The following LRRC23 variants were observed in gnomAD, a reference collection of about 807,000 sequenced individuals.
The protein encoded by LRRC23 is leucine rich repeat containing 23.
LRRC23 carries 28 observed loss-of-function variants against 37.7 expected under a neutral mutation model. The observed-to-expected ratio is 0.74, with a 90% confidence interval of 0.55 to 1.02. LRRC23 has a LOEUF of 1.02. LRRC23 is among the 50% of genes least tolerant of loss of function. LRRC23 has a pLI of 0.00. For synonymous variants in LRRC23, 161 were observed against 165.4 expected (o/e 0.97, Z 0.20); for missense variants, 377 against 413.2 (o/e 0.91, Z 0.76).
At chr12:6,906,323 T>A in intron 3 of LRRC23, 86 bp from the exon 4 acceptor site, 1 of 1,304,012 alleles carries the variant, frequency 7.7e-7, no homozygotes, top group South Asian at 1.3e-5. Flanking sequence ...GCCATCTCCA[T>A]ATTGCCTTCT....
Position 6,910,315 on chromosome 12 carries a change from G to T in LRRC23, c.758+289G>T, listed in dbSNP as rs1217811084. On this transcript the variant is annotated intron_variant, in intron 6 of 7. Coordinates refer to ENST00000443597, the MANE Select transcript of LRRC23 (RefSeq NM_001135217.2). Reference sequence around the variant, plus strand: ...AAAGCAATCAGAGGCTGGGCATGGTGGTTCATGCCTGTACTCCCAGCACTT... The same window carrying T: ...AAAGCAATCAGAGGCTGGGCATGGTTGTTCATGCCTGTACTCCCAGCACTT... Among the ~76,000 whole-genome samples, 3 of 152,126 alleles carry T rather than the reference G, an allele frequency of 2.0e-5. No individual in the cohort carries two copies. In the East Asian group the frequency reaches 5.8e-4, roughly 29 times the overall value.
At chr12:6,913,343 T>C (rs1481225324) in intron 7 of LRRC23, 1 of 315,988 alleles carries the variant, frequency 3.2e-6, no homozygotes, top group Admixed American at 4.6e-5. Context: ...TGTGGGTGCA[T>C]GGTAGGGGCT....
In LRRC23 at chr12:6,914,209, C is replaced by A; in HGVS notation, c.*343C>A. ...AAGGCGGCTGGGGTGTTCGGATTTC[C>A]AATAAAGAAACAGAGTGATGCTCCT... is the stretch of plus-strand genomic sequence containing the variant. On this transcript the variant is annotated 3_prime_UTR_variant, in exon 8 of 8. Transcript: ENST00000443597. The surrounding 1 kb of genome is among the most constrained non-coding windows in gnomAD (Gnocchi z 7.1). The A allele has an allele frequency of 1.4e-6, 1 of 711,630 alleles. No individual in the cohort carries two copies. The highest frequency in any genetic ancestry group is 2.2e-6 in the Non-Finnish European group (1 of 451,818). 44.1% of individuals were successfully genotyped at this position (711,630 alleles called of 1,614,324 possible).
At chr12:6,908,406 G>A (rs1406532146) in intron 5 of LRRC23, among the ~76,000 whole-genome samples, 2 of 151,898 alleles carry the variant, frequency 1.3e-5, no homozygotes, top group Non-Finnish European at 1.5e-5. Context: ...AAACCAGCCT[G>A]GCCAACATGG....
At chr12:6,909,850 T>C (rs903791636) in intron 5 of LRRC23, 40 bp from the exon 6 acceptor site, 39 of 1,580,748 alleles carry the variant, frequency 2.5e-5, no homozygotes, top group Non-Finnish European at 3.1e-5. Context: ...TCCCTATCCC[T>C]GCTCCCTCTC....
At chr12:6,909,100 ATAATATATAATTACATATAATAT>A in intron 5 of LRRC23, among the ~76,000 whole-genome samples, 3 of 41,118 alleles carry the variant, frequency 7.3e-5, no homozygotes, top group Non-Finnish European at 1.0e-4. Flanking sequence ...TATATTATAT[ATAATATATAATTACATATAATAT>A]ATAATATATA....
At chr12:6,907,221 C>T (rs868979398) in intron 4 of LRRC23, 94 bp from the exon 5 acceptor site, 37 of 1,468,822 alleles carry the variant, frequency 2.5e-5, no homozygotes, top group East Asian at 2.5e-4. Context: ...CCCTGCTTTG[C>T]GAATGGTAGG....
In LRRC23 at chr12:6,906,496, A is replaced by G. The variant is rs771684335; in HGVS notation, c.324A>G (p.Pro108=). 15 of 1,613,976 alleles carry G rather than the reference A, an allele frequency of 9.3e-6. No individual in the cohort carries two copies. Among genetic ancestry groups the G allele is most frequent in the Middle Eastern group, 1.6e-4 (1 of 6,084 alleles). Residue 108 remains proline, a synonymous_variant, in exon 4 of 8, where the codon CCA becomes CCG. Transcript: ENST00000443597. ...ISENHLTDLS[P]LNYLTHLLWL... ...AGAACCACCTGACAGACCTGTCTCC[A>G]CTCAACTACCTCACCCACCTGCTCT...
At position 6,905,608 on chromosome 12, in the gene LRRC23, T is replaced by A. The variant is rs1426088552; in HGVS notation, c.-26T>A. On this transcript the variant is annotated 5_prime_UTR_variant, in exon 2 of 8. Coordinates refer to ENST00000443597, the MANE Select transcript of LRRC23 (RefSeq NM_001135217.2). ...AGGAGGAGGACTGAGCTTATCTGAC[T>A]CCAGAGCTTTCAGGAGGGAAGAAAG... 6.2e-7 allele frequency: 1 copy of A among 1,613,040 alleles called. No homozygotes were observed. The highest frequency in any genetic ancestry group is 8.5e-7 in the Non-Finnish European group (1 of 1,179,496).
At chr12:6,911,451 G>A (rs920518708) in intron 6 of LRRC23, among the ~76,000 whole-genome samples, 19 of 152,152 alleles carry the variant, frequency 1.2e-4, no homozygotes, top group Admixed American at 1.2e-3. Flanking sequence ...AGACAGGCAT[G>A]ATGGACCCTT....
chr12:6,911,215 T>C (rs1555140703), intron 6 of LRRC23, among the ~76,000 whole-genome samples: 1 of 152,186 alleles, frequency 6.6e-6, no homozygotes, highest in East Asian at 1.9e-4. Context: ...TGGAGGACTT[T>C]ATGTGTGTTT....
chr12:6,909,011 T>C (rs1242726305), intron 5 of LRRC23, among the ~76,000 whole-genome samples: 3 of 108,530 alleles, frequency 2.8e-5, no homozygotes, highest in Admixed American at 1.5e-4. Flanking sequence ...CTAGGGACTG[T>C]GGATGAAAAC....
Position 6,909,951 on chromosome 12 carries a change from A to G in LRRC23, c.683A>G (p.His228Arg). Residue 228 changes from histidine (H) to arginine (R), a missense_variant, in exon 6 of 8, where the codon CAT becomes CGT. His to Arg is a conservative substitution (Grantham distance 29). Coordinates refer to ENST00000443597, the MANE Select transcript of LRRC23 (RefSeq NM_001135217.2). ...LEDLSNLTTL[H>R]LRDNQIDTLS... ...GATCTGAGCAATCTCACCACCTTGC[A>G]TCTTCGAGACAACCAGATTGACACC... is the stretch of plus-strand genomic sequence containing the variant. 6.2e-7 allele frequency: 1 copy of G among 1,613,942 alleles called. No individual in the cohort carries two copies. The highest frequency in any genetic ancestry group is 8.5e-7 in the Non-Finnish European group (1 of 1,179,948).
chr12:6,910,809 C>T (rs1945138972), intron 6 of LRRC23, among the ~76,000 whole-genome samples: 1 of 151,806 alleles, frequency 6.6e-6, no homozygotes, highest in African/African-American at 2.4e-5. Flanking sequence ...TTCAGCTACT[C>T]AGGAGGCTGA....
At chr12:6,906,089 C>T in intron 3 of LRRC23, 135 bp downstream of exon 3, 2 of 799,836 alleles carry the variant, frequency 2.5e-6, no homozygotes, top group Non-Finnish European at 4.0e-6. Context: ...ACAGAATTTA[C>T]TTTTCAGGAG....
At chr12:6,910,362 G>T (rs1555140561) in intron 6 of LRRC23, among the ~76,000 whole-genome samples, 1 of 152,052 alleles carries the variant, frequency 6.6e-6, no homozygotes. Context: ...ATCACTTGAG[G>T]CCAGGAGTTC....
At chr12:6,913,123 G>C in intron 7 of LRRC23, 96 bp downstream of exon 7, 2 of 1,291,096 alleles carry the variant, frequency 1.5e-6, no homozygotes, top group South Asian at 2.8e-5. Flanking sequence ...GGAGGTGGGA[G>C]AGGAAAGCAT....
intron 4 of LRRC23, among the ~76,000 whole-genome samples, chr12:6,906,914 G>A (rs1944963329): frequency 6.6e-6 from 1 of 152,120 alleles, no homozygotes; most frequent in Admixed American, 6.5e-5. Context: ...AACACAGTAA[G>A]TACATTCATG....
chr12:6,907,272 C>A, intron 4 of LRRC23, 43 bp from the exon 5 acceptor site: 1 of 1,609,396 alleles, frequency 6.2e-7, no homozygotes, highest in Non-Finnish European at 8.5e-7. Context: ...TAATGCTGAG[C>A]ATTTGGAGTG....
Sources: gnomAD v4.1 joint callset for allele counts (sites outside exome capture counted in the v4.1 genomes callset) on GRCh38, gnomAD v4.1.1 for gene constraint, Gnocchi (gnomAD v3.1) non-coding constraint, MANE v1.5 for transcripts, NCBI Gene and HGNC (gene_info 2026-07-23, HGNC 2026-07-21) for gene names.